The following HOXB3 variants were observed in gnomAD, a reference collection of about 807,000 sequenced individuals.
The protein encoded by HOXB3 is homeobox protein Hox-B3.
A neutral mutation model predicts 29.2 loss-of-function variants in HOXB3; 17 were observed. The observed-to-expected ratio is 0.58, with a 90% CI of 0.40 to 0.87. The LOEUF is 0.87. Ranked by LOEUF, HOXB3 falls within the 40% of genes least tolerant of loss-of-function variation. The probability of loss-of-function intolerance (pLI) is 0.00; values close to 1 mark genes in which losing one functional copy is unlikely to be tolerated. For missense variants in HOXB3, 637 were observed against 616.3 expected, an observed-to-expected ratio of 1.03 and a Z score of -0.35; for synonymous variants, 317 against 285.9, an observed-to-expected ratio of 1.11 and a Z score of -1.10.
intron 1 of HOXB3, chr17:48,582,290 A>T (rs973292849): frequency 6.6e-6 from 1 of 152,226 alleles, no homozygotes; most frequent in Non-Finnish European, 1.5e-5. Flanking sequence ...GAGGGTACTC[A>T]CCGGGAGGCT....
At chr17:48,583,771 G>C (rs1199893543) in intron 1 of HOXB3, among the ~76,000 whole-genome samples, 4 of 152,178 alleles carry the variant, frequency 2.6e-5, no homozygotes, top group African/African-American at 9.7e-5. Flanking sequence ...GTCTCTTCAG[G>C]ACTCCAGGAA....
Position 48,552,079 on chromosome 17 carries a change from C to T in HOXB3, c.396G>A (p.Trp132Ter). Reference protein sequence around the residue: ...NSTLTKQIFPWMKESRQTSKL... With the variant: ...NSTLTKQIFP ...TGGACGTTTGCCTCGACTCTTTCATCCAGGGGAATATCTGTTTGGTGAGGG... is the reference window on the plus strand; with the variant it reads ...TGGACGTTTGCCTCGACTCTTTCATTCAGGGGAATATCTGTTTGGTGAGGG... The change falls in exon 4 of 5, where the codon TGG (tryptophan) becomes TGA (stop). Residue 132 changes from tryptophan (W) to a stop codon, truncating the protein, a stop_gained. Coordinates refer to ENST00000498678, the MANE Select transcript of HOXB3 (RefSeq NM_001384749.1). LOFTEE classifies it high-confidence loss of function. 6.2e-7 allele frequency: 1 copy of T among 1,607,858 alleles called. No individual in the cohort carries two copies. Among genetic ancestry groups the T allele is most frequent in the Non-Finnish European group, 8.5e-7 (1 of 1,175,686 alleles).
chr17:48,551,321 C>T (rs921413098), intron 4 of HOXB3, 140 bp from the exon 5 acceptor site: 2 of 1,077,618 alleles, frequency 1.9e-6, no homozygotes, highest in Non-Finnish European at 2.3e-6. Context: ...TTCGGGTCCC[C>T]GCCGCCTCCT....
At position 48,548,882 on chromosome 17, in the gene HOXB3, CAG is replaced by C. The variant is rs752908460; in HGVS notation, c.*1450_*1451del. On this transcript the variant is annotated 3_prime_UTR_variant, in exon 5 of 5. Transcript: ENST00000498678. ...CACCAGGACAAGATAAAATTGATAA[CAG>C]AAAGTTTATTCAAGAATTGTTTGAC... The C allele has an allele frequency of 1.3e-4, 20 of 152,218 alleles. No individual in the cohort carries two copies. The highest frequency in any genetic ancestry group is 2.9e-4 in the African/African-American group (12 of 41,430). The allele number at this position is 152,218 out of a possible 1,614,324, so 9.4% of individuals were successfully genotyped here.
intron 2 of HOXB3, chr17:48,556,551 A>AAAAAAAAAAC (rs756433264): frequency 5.5e-5 from 1 of 18,060 alleles, no homozygotes; most frequent in African/African-American, 1.8e-4. Context: ...ACCAGAACTT[A>AAAAAAAAAAC]AAAAAAAAAA....
At chr17:48,560,370 AGCCAGAGTCTGGGCCT>A (rs1168095311) in intron 2 of HOXB3, 1 of 150,502 alleles carries the variant, frequency 6.6e-6, no homozygotes, top group Non-Finnish European at 1.5e-5. Flanking sequence ...AATGGGACAG[AGCCAGAGTCTGGGCCT>A]GCCAGCTCTT....
Position 48,549,584 on chromosome 17 carries a change from T to C in HOXB3, c.*750A>G, listed in dbSNP as rs569991912. On this transcript the variant is annotated 3_prime_UTR_variant, in exon 5 of 5. Coordinates refer to ENST00000498678, the MANE Select transcript of HOXB3 (RefSeq NM_001384749.1). ...TGGAGCTGAGATGGAGGCAGCAGAATGGGCAAACCTTCAGTCCTAACAACC... is the reference window on the plus strand; with the variant it reads ...TGGAGCTGAGATGGAGGCAGCAGAACGGGCAAACCTTCAGTCCTAACAACC... 2.6e-5 allele frequency: 4 copies of C among 152,666 alleles called. No homozygotes were observed. The highest frequency in any genetic ancestry group is 2.6e-4 in the Admixed American group (4 of 15,292). 9.5% of individuals were successfully genotyped at this position (152,666 alleles called of 1,614,324 possible).
chr17:48,567,013 G>A (rs1412970425), intron 2 of HOXB3, among the ~76,000 whole-genome samples: 1 of 152,200 alleles, frequency 6.6e-6, no homozygotes, highest in African/African-American at 2.4e-5. Flanking sequence ...ACAATCTCCA[G>A]TGCTGTCAAA....
chr17:48,564,695 A>G lies in HOXB3; in HGVS notation c.-246-9077T>C, dbSNP rs1386953050. Among the ~76,000 whole-genome samples, 17 of 152,322 alleles carry G rather than the reference A, an allele frequency of 1.1e-4. No individual in the cohort carries two copies. In the East Asian group the frequency reaches 3.3e-3, roughly 29 times the overall value. On this transcript the variant is annotated intron_variant, in intron 2 of 4. Transcript: ENST00000498678. ...GGGGGCGCCATGGCGGAAGGCGGGCACACCGGCGACTCTTCAATGTCACCA... is the reference window on the plus strand; with the variant it reads ...GGGGGCGCCATGGCGGAAGGCGGGCGCACCGGCGACTCTTCAATGTCACCA...
In HOXB3 at chr17:48,552,313, C is replaced by T. The variant is rs2068786085; in HGVS notation, c.162G>A (p.Leu54=). The change falls in exon 4 of 5, where the codon CTG becomes CTA. Residue 54 remains leucine, a synonymous_variant. Transcript: ENST00000498678. ...GTGGGGCAGCGTTGCCCAGGGACTGCAGCGAGCAAGCTGAGCGCTGGTAGT... is the reference window on the plus strand; with the variant it reads ...GTGGGGCAGCGTTGCCCAGGGACTGTAGCGAGCAAGCTGAGCGCTGGTAGT... ...EGDYQRSACS[L]QSLGNAAPHA... The T allele has an allele frequency of 6.2e-7, 1 of 1,614,054 alleles. No homozygotes were observed. The highest frequency in any genetic ancestry group is 8.5e-7 in the Non-Finnish European group (1 of 1,179,992).
intron 1 of HOXB3, chr17:48,578,102 G>A: frequency 1.7e-6 from 2 of 1,203,878 alleles, no homozygotes; most frequent in Non-Finnish European, 2.1e-6. Flanking sequence ...AGGCGGCGGG[G>A]GCCCAGGGTC....
chr17:48,582,526 C>A (rs1027319560), intron 1 of HOXB3: 3 of 152,180 alleles, frequency 2.0e-5, no homozygotes, highest in Admixed American at 1.3e-4. Context: ...AACAGCTAGG[C>A]GCGTCACGAG....
chr17:48,560,856 C>A (rs1170060405), intron 2 of HOXB3, among the ~76,000 whole-genome samples: 1 of 152,156 alleles, frequency 6.6e-6, no homozygotes, highest in Admixed American at 6.5e-5. Context: ...AAGGGAGGCA[C>A]CTGCTATCAC....
chr17:48,578,461 C>A (rs897038658), intron 1 of HOXB3: 4 of 1,053,768 alleles, frequency 3.8e-6, no homozygotes, highest in African/African-American at 3.3e-5. Flanking sequence ...ATGGCCGCCC[C>A]GCCTGCGATT....
intron 2 of HOXB3, among the ~76,000 whole-genome samples, chr17:48,570,668 A>G (rs546410584): frequency 6.6e-6 from 1 of 152,352 alleles, no homozygotes; most frequent in East Asian, 1.9e-4. Flanking sequence ...TTCCAGCTAC[A>G]GTGGCAGCTG....
chr17:48,587,393 A>G (rs530601424), intron 1 of HOXB3, among the ~76,000 whole-genome samples: 6 of 152,184 alleles, frequency 3.9e-5, no homozygotes, highest in Non-Finnish European at 8.8e-5. Flanking sequence ...CTCCCTTAAA[A>G]GAGGGGAGCT....
At chr17:48,579,240 G>C (rs934980728) in intron 1 of HOXB3, 2 of 152,242 alleles carry the variant, frequency 1.3e-5, no homozygotes, top group Non-Finnish European at 2.9e-5. Flanking sequence ...CAACTTTTGA[G>C]AGCAAAATTG....
chr17:48,550,883 G>C lies in HOXB3; in HGVS notation c.747C>G (p.Ala249=). The part of the protein sequence containing the change: ...RRMKYKKDQK[A]KGLASSSGGP... The stretch of plus-strand genomic sequence containing the variant: ...CCCCCGACGACGAGGCCAATCCCTT[G>C]GCCTTCTGGTCCTTCTTGTACTTCA... Residue 249 remains alanine, a synonymous_variant, in exon 5 of 5, where the codon GCC becomes GCG. Transcript: ENST00000498678. 1 of 1,613,952 alleles carries C rather than the reference G, an allele frequency of 6.2e-7. No individual in the cohort carries two copies.
rs763845981 is a variant in HOXB3 at position 48,555,335 on chromosome 17, GGA to G, written c.-159+194_-159+195del. 1,764 of 468,990 alleles carry G rather than the reference GGA, an allele frequency of 3.8e-3. 8 individuals are homozygous for G. The highest frequency in any genetic ancestry group is 0.012 in the African/African-American group (364 of 29,386). 29.1% of individuals were successfully genotyped at this position (468,990 alleles called of 1,614,324 possible). A position where few individuals can be genotyped will look rare whatever the true frequency, so the allele number is the denominator to read the frequency against. On this transcript the variant is annotated intron_variant, in intron 3 of 4. Transcript: ENST00000498678. ...AGGAAGAGAGAGGGGAGAGAGAGAG[GGA>G]GAGAGAGAGAGAGAGAGAGAGAGAG...
Sources: gnomAD v4.1 joint callset for allele counts (sites outside exome capture counted in the v4.1 genomes callset) on GRCh38, gnomAD v4.1.1 for gene constraint, MANE v1.5 for transcripts, NCBI Gene and HGNC (gene_info 2026-07-23, HGNC 2026-07-21) for gene names.